Variants in EIF2AK1 observed in about 807,000 individuals in gnomAD.
EIF2AK1 encodes the protein eukaryotic translation initiation factor 2-alpha kinase 1.
A neutral mutation model predicts 77.9 loss-of-function variants in EIF2AK1; 54 were observed. The observed-to-expected ratio is 0.69, with a 90% CI of 0.56 to 0.87. The LOEUF (loss-of-function observed/expected upper bound fraction) is 0.87, where lower values mean the gene tolerates loss of function less well. Among genes scored for constraint, EIF2AK1 ranks in the 40% least tolerant of loss-of-function variants. EIF2AK1 has a pLI of 0.00. For missense variants in EIF2AK1, 810 were observed against 768.6 expected, an observed-to-expected ratio of 1.05 and a Z score of -0.64; for synonymous variants, 314 against 290.5, an observed-to-expected ratio of 1.08 and a Z score of -0.82.
chr7:6,057,598 TA>T (rs143149612), intron 1 of EIF2AK1: 51,476 of 133,582 alleles, frequency 0.39, 9,879 homozygotes, highest in Middle Eastern at 0.53. Flanking sequence ...AAGCATTCCA[TA>T]AAAAAAAAAA....
At position 6,026,708 on chromosome 7, in the gene EIF2AK1, A is replaced by G. The variant is rs750784280; in HGVS notation, c.1764+20T>C. 4 of 1,601,388 alleles carry G rather than the reference A, an allele frequency of 2.5e-6. No individual in the cohort carries two copies. Among genetic ancestry groups the G allele is most frequent in the Non-Finnish European group, 3.4e-6 (4 of 1,168,474 alleles). Reference sequence around the variant, plus strand: ...AAAAACCACCTTCACTCCAGGACCAAGAGAAAGAAAAGCACATACATTTCC... The same window carrying G: ...AAAAACCACCTTCACTCCAGGACCAGGAGAAAGAAAAGCACATACATTTCC... On this transcript the variant is annotated intron_variant, in intron 14 of 14. Coordinates refer to ENST00000199389, the MANE Select transcript of EIF2AK1 (RefSeq NM_014413.4).
chr7:6,023,683 C>T lies in EIF2AK1; in HGVS notation c.*990G>A. The T allele has an allele frequency of 6.2e-7, 1 of 1,614,102 alleles. No homozygotes were observed. Among genetic ancestry groups the T allele is most frequent in the Non-Finnish European group, 8.5e-7 (1 of 1,180,020 alleles). ...TCCTTTTAACACGGCCCTCAAGCTC[C>T]TTAAGTGAATTGCCGTAACTGATTT... On this transcript the variant is annotated 3_prime_UTR_variant, in exon 15 of 15. Transcript: ENST00000199389.
chr7:6,037,121 C>A (rs1788122601), intron 11 of EIF2AK1, among the ~76,000 whole-genome samples: 1 of 151,842 alleles, frequency 6.6e-6, no homozygotes, highest in Non-Finnish European at 1.5e-5. Context: ...GTCTCAGCTA[C>A]TAGGGAGGCT....
In EIF2AK1 at chr7:6,049,695, T is replaced by G. The variant is rs1788551235; in HGVS notation, c.411+217A>C. On this transcript the variant is annotated intron_variant, in intron 3 of 14. Transcript: ENST00000199389. ...AGGCTGGAGTGCAGTGGCACAACCA[T>G]GGCTCACTGCAGCCTTGAACTCCTG... 1.7e-5 allele frequency: 7 copies of G among 406,326 alleles called. No individual in the cohort carries two copies. The Admixed American group carries it at 3.1e-4, about 18-fold the overall frequency. 25.2% of individuals were successfully genotyped at this position (406,326 alleles called of 1,614,324 possible).
At chr7:6,029,893 T>C (rs372218167) in intron 11 of EIF2AK1, among the ~76,000 whole-genome samples, 6 of 152,050 alleles carry the variant, frequency 3.9e-5, no homozygotes, top group South Asian at 2.1e-4. Context: ...TGAGGCAGAA[T>C]TGCTTGAACC....
At chr7:6,026,666 T>TC in intron 14 of EIF2AK1, 62 bp downstream of exon 14, 1 of 1,380,528 alleles carries the variant, frequency 7.2e-7, no homozygotes, top group Non-Finnish European at 1.0e-6. Flanking sequence ...ACCGCTTCCT[T>TC]CCCCAAGAGA....
At chr7:6,057,226 G>A (rs1481484959) in intron 1 of EIF2AK1, among the ~76,000 whole-genome samples, 3 of 143,480 alleles carry the variant, frequency 2.1e-5, no homozygotes, top group Non-Finnish European at 3.0e-5. Context: ...TCTGCCTCCC[G>A]GACGACCCCA....
At chr7:6,041,341 C>G in intron 8 of EIF2AK1, 122 bp from the exon 9 acceptor site, 9 of 964,374 alleles carry the variant, frequency 9.3e-6, no homozygotes, top group Non-Finnish European at 1.2e-5. Flanking sequence ...GAGTTGGAGA[C>G]CAGCTTACCC....
chr7:6,052,657 G>C (rs1332744623), intron 2 of EIF2AK1, among the ~76,000 whole-genome samples: 1 of 129,222 alleles, frequency 7.7e-6, no homozygotes, highest in African/African-American at 2.9e-5. Context: ...TTTTTCTCTA[G>C]AGGCAGAGTC....
Position 6,023,660 on chromosome 7 carries a change from C to CTTTTA in EIF2AK1, c.*1008_*1012dup. The CTTTTA allele has an allele frequency of 6.2e-7, 1 of 1,614,114 alleles. No individual in the cohort carries two copies. The highest frequency in any genetic ancestry group is 2.2e-5 in the East Asian group (1 of 44,880). On this transcript the variant is annotated 3_prime_UTR_variant, in exon 15 of 15. Transcript: ENST00000199389. The stretch of plus-strand genomic sequence containing the variant: ...ATGAGGTCTTGTGAAAACCTGGCTC[C>CTTTTA]TTTTAACACGGCCCTCAAGCTCCTT...
Position 6,035,745 on chromosome 7 carries a change from C to T in EIF2AK1, c.1332+1679G>A. Reference sequence around the variant, plus strand: ...TAATGAAGCCAGCATGACACCCCTTCACATGGCCGCAAACATGCTGAATAA... The same window carrying T: ...TAATGAAGCCAGCATGACACCCCTTTACATGGCCGCAAACATGCTGAATAA... On this transcript the variant is annotated intron_variant, in intron 11 of 14. Transcript: ENST00000199389. This position sits in a 1 kb window ranked among gnomAD's most constrained non-coding sequence, Gnocchi z 5.5. 1 of 1,551,098 alleles carries T rather than the reference C, an allele frequency of 6.4e-7. No homozygotes were observed. Among genetic ancestry groups the T allele is most frequent in the Non-Finnish European group, 8.7e-7 (1 of 1,147,122 alleles).
chr7:6,040,091 ATTTTTTTT>A (rs1788252944), intron 9 of EIF2AK1, among the ~76,000 whole-genome samples: 1 of 151,536 alleles, frequency 6.6e-6, no homozygotes. Flanking sequence ...TTATTTTTTT[ATTTTTTTT>A]GAAACAGTCT....
intron 8 of EIF2AK1, among the ~76,000 whole-genome samples, chr7:6,042,354 G>C (rs944726463): frequency 1.3e-5 from 2 of 151,650 alleles, no homozygotes; most frequent in Admixed American, 1.3e-4. Flanking sequence ...GGGAGGCTAA[G>C]TCAGGAGGAT....
Position 6,052,026 on chromosome 7 carries a change from G to A in EIF2AK1, c.278-1981C>T, listed in dbSNP as rs377544594. ...TCTCTACTAAAAATACAAAAAATCA[G>A]CCGGGCGTGGTGGTGGGTGCCTGTA... On this transcript the variant is annotated intron_variant, in intron 2 of 14. Transcript: ENST00000199389. Among the ~76,000 whole-genome samples the A allele has an allele frequency of 2.0e-5, 3 of 151,990 alleles. No individual in the cohort carries two copies. In the South Asian group the frequency reaches 6.2e-4, roughly 32 times the overall value.
chr7:6,030,746 C>G (rs1787887020), intron 11 of EIF2AK1, among the ~76,000 whole-genome samples: 1 of 152,130 alleles, frequency 6.6e-6, no homozygotes, highest in African/African-American at 2.4e-5. Context: ...TTCTGCCCGC[C>G]CTGGCCTCTC....
rs1358478269 is a variant in EIF2AK1, at chr7:6,035,128, G to T, written c.1332+2296C>A. Among the ~76,000 whole-genome samples, 2 of 151,988 alleles carry T rather than the reference G, an allele frequency of 1.3e-5. No homozygotes were observed. Among genetic ancestry groups the T allele is most frequent in the African/African-American group, 2.4e-5 (1 of 41,346 alleles). Reference sequence around the variant, plus strand: ...CACAGCCCTAGCGGGGACGGCACAGGTAAAACAGGCTGCTCCAAGAAGCTG... The same window carrying T: ...CACAGCCCTAGCGGGGACGGCACAGTTAAAACAGGCTGCTCCAAGAAGCTG... On this transcript the variant is annotated intron_variant, in intron 11 of 14. Transcript: ENST00000199389. The surrounding 1 kb of genome is among the most constrained non-coding windows in gnomAD (Gnocchi z 5.5).
intron 4 of EIF2AK1, 52 bp downstream of exon 4, chr7:6,048,755 T>G: frequency 7.2e-7 from 1 of 1,380,932 alleles, no homozygotes; most frequent in Non-Finnish European, 1.0e-6. Context: ...ATTTTCTTAA[T>G]TTTGATTTCT....
chr7:6,048,836 A>C lies in EIF2AK1; in HGVS notation c.420T>G (p.Cys140Trp). 16 of 1,585,900 alleles carry C rather than the reference A, an allele frequency of 1.0e-5. No individual in the cohort carries two copies. Among genetic ancestry groups the C allele is most frequent in the Non-Finnish European group, 1.4e-5 (16 of 1,171,316 alleles). ...SAKERVRQDP[C>W]EDISRIQKIR... Reference sequence around the variant, plus strand: ...TTTTCTGGATACGAGAAATATCCTCACAAGGATCCTACAATTAAAAAATTG... The same window carrying C: ...TTTTCTGGATACGAGAAATATCCTCCCAAGGATCCTACAATTAAAAAATTG... The change falls in exon 4 of 15, where the codon TGT becomes TGG. Residue 140 changes from cysteine to tryptophan, a missense_variant. Physicochemically the swap from Cys to Trp is radical, Grantham distance 215 (BLOSUM62 -2). This residue lies in a region of EIF2AK1 where 246 missense variants were observed against 199.0 expected (regional missense o/e 1.24). Coordinates refer to ENST00000199389, the MANE Select transcript of EIF2AK1 (RefSeq NM_014413.4).
chr7:6,031,734 T>C (rs1288493287), intron 11 of EIF2AK1: 20 of 787,758 alleles, frequency 2.5e-5, no homozygotes, highest in Non-Finnish European at 4.0e-6. Context: ...CACACTGCAG[T>C]GCTCCCCAAA....
Sources: gnomAD v4.1 joint callset for allele counts (sites outside exome capture counted in the v4.1 genomes callset) on GRCh38, gnomAD v4.1.1 for gene constraint, gnomAD v4.1.1 regional missense constraint, Gnocchi (gnomAD v3.1) non-coding constraint, MANE v1.5 for transcripts, NCBI Gene and HGNC (gene_info 2026-07-23, HGNC 2026-07-21) for gene names.